Variants in UNC13C observed in about 807,000 individuals in gnomAD.
UNC13C encodes unc-13 homolog C, also known as protein unc-13 homolog C.
In UNC13C, 174 loss-of-function variants were observed where a neutral mutation model predicts 245.4. The observed-to-expected ratio is 0.71, with a 90% CI of 0.63 to 0.80. The LOEUF is 0.80. Ranked by LOEUF, UNC13C falls within the 30% of genes least tolerant of loss-of-function variation. UNC13C has a pLI of 0.00. For missense variants in UNC13C, 2,829 were observed against 2,602.9 expected (o/e 1.09, Z -1.89); for synonymous variants, 992 against 895.1 (o/e 1.11, Z -1.93).
intron 2 of UNC13C, chr15:54,049,268 G>A (rs1897031): frequency 0.83 from 440,352 of 527,576 alleles, 184,710 homozygotes; most frequent in African/African-American, 0.88. Flanking sequence ...TTCAGAATAT[G>A]TGTTCTCACT....
chr15:54,472,773 G>A (rs577891719), intron 19 of UNC13C, among the ~76,000 whole-genome samples: 154 of 151,908 alleles, frequency 1.0e-3, no homozygotes, highest in Non-Finnish European at 1.9e-3. Context: ...TCTAATAGAC[G>A]TTCTCACATA....
chr15:54,197,131 T>C (rs2034379095), intron 4 of UNC13C, among the ~76,000 whole-genome samples: 3 of 152,174 alleles, frequency 2.0e-5, no homozygotes. Context: ...TAGCAGATGA[T>C]ATGTTCTACA....
intron 19 of UNC13C, among the ~76,000 whole-genome samples, chr15:54,477,951 G>T (rs1363363803): frequency 6.8e-6 from 1 of 146,008 alleles, no homozygotes; most frequent in Non-Finnish European, 1.5e-5. Flanking sequence ...GACTCTTTTT[G>T]GTTGGTAAGC....
intron 23 of UNC13C, among the ~76,000 whole-genome samples, chr15:54,507,474 A>G (rs1022739353): frequency 2.0e-5 from 3 of 152,082 alleles, no homozygotes; most frequent in African/African-American, 7.2e-5. Flanking sequence ...TACTCATAAA[A>G]TACTGGAGCT....
intron 17 of UNC13C, among the ~76,000 whole-genome samples, chr15:54,351,416 C>A (rs565846204): frequency 6.6e-6 from 1 of 152,188 alleles, no homozygotes; most frequent in Middle Eastern, 3.4e-3. Flanking sequence ...GAAAATTAAA[C>A]TGTGAAAAGA....
At chr15:54,247,024 C>G (rs1003932587) in intron 7 of UNC13C, among the ~76,000 whole-genome samples, 3 of 152,186 alleles carry the variant, frequency 2.0e-5, no homozygotes, top group African/African-American at 4.8e-5. Flanking sequence ...CTAGGAATCT[C>G]CATGTGTCTG....
At chr15:54,456,444 G>A (rs1290173870) in intron 19 of UNC13C, among the ~76,000 whole-genome samples, 1 of 151,962 alleles carries the variant, frequency 6.6e-6, no homozygotes, top group Admixed American at 6.6e-5. Context: ...TTTTGGCAGT[G>A]TGATCATTTT....
chr15:53,881,557 A>G, the UNC13C span, among the ~76,000 whole-genome samples: 1 of 152,230 alleles, frequency 6.6e-6, no homozygotes, highest in African/African-American at 2.4e-5. Context: ...GAGGGTGTCA[A>G]CTTCTAATTC....
At chr15:54,038,120 A>AAATTTTTTTTTTTTT (rs1896656082) in intron 2 of UNC13C, among the ~76,000 whole-genome samples, 1 of 45,204 alleles carries the variant, frequency 2.2e-5, no homozygotes, top group African/African-American at 1.0e-4. Context: ...ATATATATAT[A>AAATTTTTTTTTTTTT]TATATTTTTT....
chr15:53,900,553 G>A, the UNC13C span, among the ~76,000 whole-genome samples: 21,695 of 152,172 alleles, frequency 0.14, 1,779 homozygotes, highest in South Asian at 0.2. Context: ...AGTGAGATAT[G>A]GTGGGGATTA....
At chr15:54,374,974 T>G (rs1299294727) in intron 17 of UNC13C, among the ~76,000 whole-genome samples, 1 of 152,220 alleles carries the variant, frequency 6.6e-6, no homozygotes, top group South Asian at 2.1e-4. Context: ...AAACCACAGT[T>G]TACTAATATA....
At chr15:53,888,617 C>A in the UNC13C span, among the ~76,000 whole-genome samples, 8 of 152,162 alleles carry the variant, frequency 5.3e-5, no homozygotes, top group African/African-American at 1.9e-4. Context: ...GACATGAAGT[C>A]TTTGCCCATG....
chr15:53,956,784 G>A, the UNC13C span, among the ~76,000 whole-genome samples: 108 of 151,880 alleles, frequency 7.1e-4, no homozygotes, highest in African/African-American at 2.5e-3. Context: ...AAATAGAACG[G>A]AGAGAAGGAT....
intron 10 of UNC13C, among the ~76,000 whole-genome samples, chr15:54,275,276 C>A (rs996494179): frequency 5.9e-5 from 9 of 152,132 alleles, no homozygotes; most frequent in African/African-American, 2.2e-4. Flanking sequence ...AATTATCTAT[C>A]ATTTTGAAGT....
intron 2 of UNC13C, among the ~76,000 whole-genome samples, chr15:54,142,276 A>T (rs373492339): frequency 6.6e-6 from 1 of 152,130 alleles, no homozygotes; most frequent in African/African-American, 2.4e-5. Context: ...CTTGCATTGC[A>T]TCTGAAAACT....
At chr15:54,100,960 A>G (rs1341579396) in intron 2 of UNC13C, among the ~76,000 whole-genome samples, 2 of 152,190 alleles carry the variant, frequency 1.3e-5, no homozygotes. Context: ...AGTAAAGTGC[A>G]TAAATCTGAA....
At chr15:53,954,037 CCTTTAT>C in the UNC13C span, among the ~76,000 whole-genome samples, 1 of 152,224 alleles carries the variant, frequency 6.6e-6, no homozygotes, top group African/African-American at 2.4e-5. Context: ...TTCATATCCT[CCTTTAT>C]CTTTGTCTCC....
intron 1 of UNC13C, among the ~76,000 whole-genome samples, chr15:53,995,702 G>A (rs571710638): frequency 1.3e-5 from 2 of 152,044 alleles, no homozygotes; most frequent in Non-Finnish European, 1.5e-5. Context: ...TCCCATTGTC[G>A]TGGAAGTAAA....
chr15:54,220,843 GT>G (rs2035204138), intron 4 of UNC13C, among the ~76,000 whole-genome samples: 1 of 151,854 alleles, frequency 6.6e-6, no homozygotes, highest in African/African-American at 2.4e-5. Flanking sequence ...TTGTTTGCCT[GT>G]TTTGGTGCTT....
Sources: gnomAD v4.1 joint callset for allele counts (sites outside exome capture counted in the v4.1 genomes callset) on GRCh38, gnomAD v4.1.1 for gene constraint, MANE v1.5 for transcripts, NCBI Gene and HGNC (gene_info 2026-07-23, HGNC 2026-07-21) for gene names.